The following NUP160 variants were observed in gnomAD, a reference collection of about 807,000 sequenced individuals.
NUP160 encodes nuclear pore complex protein Nup160.
Under a neutral mutation model 196.9 loss-of-function variants are expected in NUP160, and 94 were observed. The observed-to-expected ratio is 0.48, with a 90% CI of 0.40 to 0.57. NUP160 has a LOEUF of 0.57. Among genes scored for constraint, NUP160 ranks in the 20% least tolerant of loss-of-function variants. The pLI is 0.00. For missense variants in NUP160, 1,638 were observed against 1,748.3 expected (o/e 0.94, Z 1.13); for synonymous variants, 605 against 619.7 (o/e 0.98, Z 0.35).
At chr11:47,836,850 T>C (rs1488973006) in intron 6 of NUP160, 37 bp downstream of exon 6, 5 of 1,224,952 alleles carry the variant, frequency 4.1e-6, no homozygotes, top group Non-Finnish European at 6.0e-6. Flanking sequence ...TTCACAATCC[T>C]GTTTTAACTT....
intron 13 of NUP160, among the ~76,000 whole-genome samples, chr11:47,814,660 T>C (rs1313848625): frequency 6.6e-6 from 1 of 152,098 alleles, no homozygotes; most frequent in Non-Finnish European, 1.5e-5. Flanking sequence ...ATATAAGCTG[T>C]ATAATATTAT....
At chr11:47,786,004 C>T (rs752266036) in intron 32 of NUP160, among the ~76,000 whole-genome samples, 3 of 152,100 alleles carry the variant, frequency 2.0e-5, no homozygotes, top group Non-Finnish European at 4.4e-5. Context: ...GTATACGAAC[C>T]AGAGGAGATC....
chr11:47,779,006 TAC>T (rs1237921251), exon 36 of NUP160: 1 of 800,542 alleles, frequency 1.2e-6, no homozygotes, highest in Admixed American at 1.9e-5. Flanking sequence ...ACACATCATT[TAC>T]AGTTACAAAA....
In NUP160 at chr11:47,812,088, CTGCTGTAAGA is replaced by C; in HGVS notation, c.2207_2216del (p.Ile736SerfsTer3). On this transcript the variant is annotated frameshift_variant, in exon 17 of 36. Coordinates refer to ENST00000378460, the Ensembl canonical transcript of NUP160. LOFTEE classifies it high-confidence loss of function. ...CAGCATCTCCAAGCCTCATTAACAGCTGCTGTAAGATCAAAAGATCTCTGCAGATCAGGAA... is the reference window on the plus strand; with the variant it reads ...CAGCATCTCCAAGCCTCATTAACAGCTCAAAAGATCTCTGCAGATCAGGAA... 6.2e-7 allele frequency: 1 copy of C among 1,614,116 alleles called. No homozygotes were observed. The highest frequency in any genetic ancestry group is 8.5e-7 in the Non-Finnish European group (1 of 1,180,010).
chr11:47,833,140 C>A (rs1852107842), intron 7 of NUP160, among the ~76,000 whole-genome samples: 1 of 152,098 alleles, frequency 6.6e-6, no homozygotes, highest in Non-Finnish European at 1.5e-5. Context: ...GAGTGAATTA[C>A]ATCTCAAGAA....
intron 1 of NUP160, 95 bp from the exon 2 acceptor site, chr11:47,848,054 C>T (rs1477200312): frequency 1.2e-5 from 15 of 1,267,110 alleles, no homozygotes; most frequent in Non-Finnish European, 1.6e-5. Flanking sequence ...GACTGACAAC[C>T]CATACAAAGA....
chr11:47,847,719 T>G (rs2135409095), intron 2 of NUP160, 129 bp downstream of exon 2: 4 of 645,866 alleles, frequency 6.2e-6, no homozygotes, highest in Non-Finnish European at 1.1e-5. Flanking sequence ...TGATACGAAC[T>G]GAAAAAACAA....
intron 33 of NUP160, 82 bp from the exon 34 acceptor site, chr11:47,783,280 C>A: frequency 6.7e-7 from 1 of 1,493,420 alleles, no homozygotes; most frequent in South Asian, 1.3e-5. Context: ...GTGGCTGATT[C>A]CCTAACATTT....
chr11:47,806,950 C>A, intron 19 of NUP160, 120 bp downstream of exon 19: 1 of 670,124 alleles, frequency 1.5e-6, no homozygotes, highest in Non-Finnish European at 2.6e-6. Flanking sequence ...CTTACTCATG[C>A]CTTCTGAAAG....
At chr11:47,804,875 T>G (rs1413153684) in intron 20 of NUP160, among the ~76,000 whole-genome samples, 1 of 152,130 alleles carries the variant, frequency 6.6e-6, no homozygotes, top group African/African-American at 2.4e-5. Context: ...GGTGGCTCAC[T>G]CCTGCAATCC....
intron 7 of NUP160, among the ~76,000 whole-genome samples, chr11:47,823,805 G>A (rs1851910118): frequency 1.3e-5 from 2 of 151,878 alleles, no homozygotes; most frequent in South Asian, 4.2e-4. Flanking sequence ...AAAGTGCTGG[G>A]ATTACAGGTG....
intron 7 of NUP160, among the ~76,000 whole-genome samples, chr11:47,826,670 C>T (rs906818332): frequency 3.3e-5 from 5 of 151,064 alleles, no homozygotes; most frequent in Admixed American, 2.6e-4. Context: ...TCAAGCAATT[C>T]TCCTGCCTCA....
chr11:47,816,134 T>C, intron 11 of NUP160, 105 bp from the exon 12 acceptor site: 1 of 723,332 alleles, frequency 1.4e-6, no homozygotes, highest in Non-Finnish European at 2.3e-6. Context: ...ATAATAGAGA[T>C]TTGGCATACC....
In NUP160 at chr11:47,837,633, T is replaced by C. The variant is rs750927321; in HGVS notation, c.749-10A>G. On this transcript the variant is annotated splice_polypyrimidine_tract_variant and intron_variant, in intron 4 of 35. Coordinates refer to ENST00000378460, the Ensembl canonical transcript of NUP160. ...ACGACTGACACCATACCTGCAATGA[T>C]ATCCAAGGCACCTCTTGAACACACT... 3 of 1,610,260 alleles carry C rather than the reference T, an allele frequency of 1.9e-6. No individual in the cohort carries two copies. The South Asian group carries it at 3.3e-5, about 18-fold the overall frequency.
At chr11:47,821,440 C>G (rs1851855132) in intron 9 of NUP160, 1 of 230,190 alleles carries the variant, frequency 4.3e-6, no homozygotes, top group Non-Finnish European at 8.2e-6. Context: ...TCACTGCAAT[C>G]TCCGCCTCCT....
At chr11:47,811,496 AAGAG>A (rs56350175) in intron 17 of NUP160, among the ~76,000 whole-genome samples, 1,822 of 151,920 alleles carry the variant, frequency 0.012, 24 homozygotes, top group South Asian at 0.022. Context: ...AAAAAAAAAA[AAGAG>A]AGAGAGACAG....
chr11:47,813,287 T>C, intron 14 of NUP160, 29 bp downstream of exon 14: 1 of 1,448,906 alleles, frequency 6.9e-7, no homozygotes, highest in South Asian at 1.1e-5. Flanking sequence ...AGGAAGGGGA[T>C]TAAATATGGA....
chr11:47,836,709 AAGTT>A (rs1367573736), intron 6 of NUP160, among the ~76,000 whole-genome samples, 174 bp downstream of exon 6: 11 of 152,232 alleles, frequency 7.2e-5, no homozygotes, highest in African/African-American at 1.4e-4. Flanking sequence ...AAAAGACAGT[AAGTT>A]AGGAGGAAAA....
At chr11:47,821,695 G>A (rs1278794300) in intron 9 of NUP160, 29 bp downstream of exon 9, 4 of 1,526,826 alleles carry the variant, frequency 2.6e-6, no homozygotes, top group Admixed American at 3.3e-5. Flanking sequence ...TTGGGGTGAG[G>A]TAGGATGACA....
Sources: gnomAD v4.1 joint callset for allele counts (sites outside exome capture counted in the v4.1 genomes callset) on GRCh38, gnomAD v4.1.1 for gene constraint, MANE v1.5 for transcripts, NCBI Gene and HGNC (gene_info 2026-07-23, HGNC 2026-07-21) for gene names.